Variants in CDK6 observed in about 807,000 individuals in gnomAD.
The protein encoded by CDK6 is cyclin-dependent kinase 6.
CDK6 carries 6 observed loss-of-function variants against 37.1 expected under a neutral mutation model. That is an observed-to-expected ratio of 0.16 (90% CI 0.09 to 0.32). The LOEUF is 0.32. Among genes scored for constraint, CDK6 ranks in the 10% least tolerant of loss-of-function variants. CDK6 has a pLI of 1.00. For missense variants in CDK6, 224 were observed against 418.9 expected, an observed-to-expected ratio of 0.53 and a Z score of 4.06; for synonymous variants, 160 against 161.3, an observed-to-expected ratio of 0.99 and a Z score of 0.06.
intron 2 of CDK6, among the ~76,000 whole-genome samples, chr7:92,806,633 T>C (rs1800731807): frequency 6.6e-6 from 1 of 152,202 alleles, no homozygotes; most frequent in African/African-American, 2.4e-5. Flanking sequence ...AATGTCTGTG[T>C]AACCAGATGA....
At chr7:92,736,150 G>T (rs1204768908) in intron 3 of CDK6, among the ~76,000 whole-genome samples, 2 of 151,742 alleles carry the variant, frequency 1.3e-5, no homozygotes, top group Non-Finnish European at 2.9e-5. Flanking sequence ...CCCACAAAAA[G>T]ATTTAAACAA....
chr7:92,701,887 C>A (rs113782237), intron 4 of CDK6: 1 of 152,204 alleles, frequency 6.6e-6, no homozygotes, highest in South Asian at 2.1e-4. Context: ...GATTAATAAA[C>A]GGACACCTCC....
intron 2 of CDK6, among the ~76,000 whole-genome samples, chr7:92,807,445 CATAG>C (rs1217969621): frequency 6.6e-6 from 1 of 151,672 alleles, no homozygotes; most frequent in Non-Finnish European, 1.5e-5. Flanking sequence ...TTTATCTAGA[CATAG>C]ATACACATCT....
In CDK6 at chr7:92,833,191, C is replaced by G. The variant is rs774217237; in HGVS notation, c.133G>C (p.Val45Leu). ...CCCTCCTCGCCGGTCTGCACCCGCA[C>G]GCGCTTCAACGCCACGAAACGGCCT... ...NGGRFVALKR[V>L]RVQTGEEGMP... The change falls in exon 2 of 8, where the codon GTG (valine) becomes CTG (leucine). Residue 45 changes from valine (V) to leucine (L), a missense_variant. Physicochemically the swap from Val to Leu is conservative, Grantham distance 32. Around this residue, in one of 5 missense-constraint regions of CDK6, gnomAD observed 21 missense variants for 18.4 expected, o/e 1.14. Coordinates refer to ENST00000424848, the MANE Select transcript of CDK6 (RefSeq NM_001145306.2). The surrounding 1 kb of genome is among the most constrained non-coding windows in gnomAD (Gnocchi z 6.1). The G allele has an allele frequency of 6.2e-7, 1 of 1,609,510 alleles. No homozygotes were observed. Among genetic ancestry groups the G allele is most frequent in the Non-Finnish European group, 8.5e-7 (1 of 1,178,594 alleles).
intron 3 of CDK6, among the ~76,000 whole-genome samples, chr7:92,741,827 T>G (rs1215527425): frequency 6.6e-6 from 1 of 152,184 alleles, no homozygotes; most frequent in Non-Finnish European, 1.5e-5. Flanking sequence ...CTTTCTAAAT[T>G]ATAAACAGCA....
rs2116034837 is a variant in CDK6, at chr7:92,833,306, C to G, written c.18G>C (p.Leu6=). The G allele has an allele frequency of 1.3e-6, 2 of 1,598,766 alleles. No homozygotes were observed. The highest frequency in any genetic ancestry group is 1.7e-6 in the Non-Finnish European group (2 of 1,174,804). The stretch of plus-strand genomic sequence containing the variant: ...ATTCGTACTGCTGGTCAGCGCGGCA[C>G]AGGCCGTCCTTCTCCATGCCGCCTG... MEKDG[L]CRADQQYECV... is the part of the protein sequence containing the mutation. The change falls in exon 2 of 8, where the codon CTG becomes CTC. Residue 6 remains leucine (L), a synonymous_variant. Transcript: ENST00000424848. The surrounding 1 kb of genome is among the most constrained non-coding windows in gnomAD (Gnocchi z 6.1).
In CDK6 at chr7:92,608,246, C is replaced by T. The variant is rs1795474790; in HGVS notation, c.*6894G>A. 4.3e-6 allele frequency: 1 copy of T among 232,024 alleles called. No individual in the cohort carries two copies. The highest frequency in any genetic ancestry group is 8.5e-6 in the Non-Finnish European group (1 of 117,428). The allele number at this position is 232,024 out of a possible 1,614,324, so 14.4% of individuals were successfully genotyped here. A position where few individuals can be genotyped will look rare whatever the true frequency, so the allele number is the denominator to read the frequency against. On this transcript the variant is annotated 3_prime_UTR_variant, in exon 8 of 8. Transcript: ENST00000424848. ...AAACCTACATTTGACAATCCAAACTCCTAAAATTGAGAAAGGGTTATTTGT... is the reference window on the plus strand; with the variant it reads ...AAACCTACATTTGACAATCCAAACTTCTAAAATTGAGAAAGGGTTATTTGT...
At position 92,656,900 on chromosome 7, in the gene CDK6, C is replaced by T. The variant is rs1214343529; in HGVS notation, c.647+14526G>A. ...AGGAGCATTCTTATCTCTGAAGACCCGGGGACACAGAATGCACCTGAACAA... is the reference window on the plus strand; with the variant it reads ...AGGAGCATTCTTATCTCTGAAGACCTGGGGACACAGAATGCACCTGAACAA... On this transcript the variant is annotated intron_variant, in intron 5 of 7. Transcript: ENST00000424848. Among the ~76,000 whole-genome samples the T allele has an allele frequency of 3.3e-5, 5 of 152,182 alleles. No homozygotes were observed. The East Asian group carries it at 5.8e-4, about 18-fold the overall frequency.
rs562261059 is a variant in CDK6 at position 92,771,522 on chromosome 7, T to C, written c.369+3174A>G. On this transcript the variant is annotated intron_variant, in intron 3 of 7. Transcript: ENST00000424848. ...TAGACTGTGCTTACTTATACATAAGTAGTCTGTTCTTGACTTGAAAATACC... is the reference window on the plus strand; with the variant it reads ...TAGACTGTGCTTACTTATACATAAGCAGTCTGTTCTTGACTTGAAAATACC... Among the ~76,000 whole-genome samples, 9 of 152,324 alleles carry C rather than the reference T, an allele frequency of 5.9e-5. No individual in the cohort carries two copies. In the South Asian group the frequency reaches 1.7e-3, roughly 28 times the overall value.
intron 2 of CDK6, among the ~76,000 whole-genome samples, chr7:92,823,119 T>C (rs1168209804): frequency 6.6e-6 from 1 of 151,612 alleles, no homozygotes; most frequent in Non-Finnish European, 1.5e-5. Context: ...ACCAAACCTA[T>C]ACCATCTTTC....
chr7:92,751,033 C>G (rs1170314775), intron 3 of CDK6, among the ~76,000 whole-genome samples: 15 of 152,056 alleles, frequency 9.9e-5, no homozygotes. Flanking sequence ...CTTGGGAGGT[C>G]TTCGTATTTT....
At chr7:92,799,116 T>A (rs1584100556) in intron 2 of CDK6, among the ~76,000 whole-genome samples, 1 of 152,328 alleles carries the variant, frequency 6.6e-6, no homozygotes, top group African/African-American at 2.4e-5. Flanking sequence ...AGATTGTCAT[T>A]CTGCCAGCCA....
chr7:92,725,116 C>A lies in CDK6; in HGVS notation c.537+510G>T, dbSNP rs1340456560. On this transcript the variant is annotated intron_variant, in intron 4 of 7. Coordinates refer to ENST00000424848, the MANE Select transcript of CDK6 (RefSeq NM_001145306.2). ...TTATATGAGCCTTCACCTGGCATGG[C>A]GGTGCTCTACGTTCATGCATCATCC... The A allele has an allele frequency of 8.1e-6, 8 of 985,254 alleles. No individual in the cohort carries two copies. The African/African-American group carries it at 1.4e-4, about 17-fold the overall frequency. 61.0% of individuals were successfully genotyped at this position (985,254 alleles called of 1,614,324 possible). A position where few individuals can be genotyped will look rare whatever the true frequency, so the allele number is the denominator to read the frequency against.
At chr7:92,796,631 A>G (rs1020769356) in intron 2 of CDK6, among the ~76,000 whole-genome samples, 53 of 152,272 alleles carry the variant, frequency 3.5e-4, no homozygotes, top group African/African-American at 1.2e-3. Context: ...AACTGTAAAC[A>G]CATTATTTTT....
intron 3 of CDK6, among the ~76,000 whole-genome samples, chr7:92,758,307 G>A (rs1799364923): frequency 6.6e-6 from 1 of 152,104 alleles, no homozygotes; most frequent in African/African-American, 2.4e-5. Flanking sequence ...GTTGATTTTT[G>A]TATATGATGT....
At chr7:92,819,884 G>A (rs1801127644) in intron 2 of CDK6, among the ~76,000 whole-genome samples, 2 of 151,812 alleles carry the variant, frequency 1.3e-5, no homozygotes, top group Admixed American at 1.3e-4. Context: ...TTAGAAAAAA[G>A]ATTAAAAGAA....
chr7:92,621,387 A>G (rs1281347037), intron 6 of CDK6, among the ~76,000 whole-genome samples: 2 of 152,212 alleles, frequency 1.3e-5, no homozygotes, highest in African/African-American at 4.8e-5. Flanking sequence ...CAGGTCAAAC[A>G]TGCCGGTCAA....
At chr7:92,816,601 C>A (rs1801036072) in intron 2 of CDK6, among the ~76,000 whole-genome samples, 1 of 151,864 alleles carries the variant, frequency 6.6e-6, no homozygotes, top group South Asian at 2.1e-4. Context: ...AAAATTAAGC[C>A]ACAACATATT....
At chr7:92,708,854 A>G (rs73404494) in intron 4 of CDK6, among the ~76,000 whole-genome samples, 2,638 of 152,304 alleles carry the variant, frequency 0.017, 72 homozygotes, top group African/African-American at 0.06. Context: ...TACTATACAT[A>G]TTCAATACCA....
Sources: gnomAD v4.1 joint callset for allele counts (sites outside exome capture counted in the v4.1 genomes callset) on GRCh38, gnomAD v4.1.1 for gene constraint, gnomAD v4.1.1 regional missense constraint, Gnocchi (gnomAD v3.1) non-coding constraint, MANE v1.5 for transcripts, NCBI Gene and HGNC (gene_info 2026-07-23, HGNC 2026-07-21) for gene names.